GRHL2: variants seen among roughly 807,000 people sequenced by gnomAD.
GRHL2 encodes the protein grainyhead-like protein 2 homolog.
Under a neutral mutation model 83.8 loss-of-function variants are expected in GRHL2, and 21 were observed. That is an observed-to-expected ratio of 0.25 (90% CI 0.18 to 0.36). The LOEUF (loss-of-function observed/expected upper bound fraction) is 0.36, where lower values mean the gene tolerates loss of function less well. Ranked by LOEUF, GRHL2 falls within the 10% of genes least tolerant of loss-of-function variation. The pLI is 1.00. For synonymous variants in GRHL2, 280 were observed against 278.9 expected, an observed-to-expected ratio of 1.00 and a Z score of -0.04; for missense variants, 623 against 781.8, an observed-to-expected ratio of 0.80 and a Z score of 2.42.
intron 6 of GRHL2, 142 bp from the exon 7 acceptor site, chr8:101,577,266 T>C (rs530030436): frequency 9.8e-5 from 68 of 693,126 alleles, no homozygotes; most frequent in Non-Finnish European, 1.6e-4. Context: ...AAACGGACCA[T>C]ACAGCCAAGC....
Position 101,604,507 on chromosome 8 carries a change from C to T in GRHL2, c.1098+5356C>T, listed in dbSNP as rs143346639. On this transcript the variant is annotated intron_variant, in intron 8 of 15. Coordinates refer to ENST00000646743, the MANE Select transcript of GRHL2 (RefSeq NM_024915.4). The stretch of plus-strand genomic sequence containing the variant: ...ACCAATCTTGGTGTGCTACAACGAC[C>T]TCTGTCATGTGACCACAGAGAAGAA... 5.5e-3 allele frequency among the ~76,000 whole-genome samples: 833 copies of T among 152,222 alleles called. 10 individuals are homozygous for T. Among genetic ancestry groups the T allele is most frequent in the African/African-American group, 0.018 (764 of 41,522 alleles).
At chr8:101,567,472 T>C (rs1463826675) in intron 4 of GRHL2, among the ~76,000 whole-genome samples, 1 of 152,226 alleles carries the variant, frequency 6.6e-6, no homozygotes, top group East Asian at 1.9e-4. Context: ...CCCATCAATG[T>C]AATCAGGTCT....
At chr8:101,534,339 C>T (rs1165913151) in intron 1 of GRHL2, among the ~76,000 whole-genome samples, 1 of 152,052 alleles carries the variant, frequency 6.6e-6, no homozygotes, top group Non-Finnish European at 1.5e-5. Context: ...TTGTGGGCAG[C>T]CCTCAGTTCC....
At position 101,669,523 on chromosome 8, in the gene GRHL2, G is replaced by A. The variant is rs542471602; in HGVS notation, c.*2820G>A. The A allele has an allele frequency of 1.3e-5, 2 of 152,064 alleles. No homozygotes were observed. The highest frequency in any genetic ancestry group is 4.8e-5 in the African/African-American group (2 of 41,390). 9.4% of individuals were successfully genotyped at this position (152,064 alleles called of 1,614,324 possible). On this transcript the variant is annotated 3_prime_UTR_variant, in exon 16 of 16. Coordinates refer to ENST00000646743, the MANE Select transcript of GRHL2 (RefSeq NM_024915.4). Reference sequence around the variant, plus strand: ...CAGAAATAGAGGGTTTGTGCCAAATGCTATGAACGGCCCTTTCTTAAAGAC... The same window carrying A: ...CAGAAATAGAGGGTTTGTGCCAAATACTATGAACGGCCCTTTCTTAAAGAC...
intron 7 of GRHL2, among the ~76,000 whole-genome samples, chr8:101,593,936 G>A (rs987722663): frequency 3.3e-5 from 5 of 151,952 alleles, no homozygotes; most frequent in African/African-American, 9.7e-5. Context: ...AGGCATGGTG[G>A]CAGGTGCCTG....
At chr8:101,502,160 A>T (rs933448138) in intron 1 of GRHL2, among the ~76,000 whole-genome samples, 1 of 152,238 alleles carries the variant, frequency 6.6e-6, no homozygotes, top group African/African-American at 2.4e-5. Flanking sequence ...TGCCAATAAG[A>T]TAATTAACAT....
At chr8:101,677,227 A>AATAATAATAATAATAATAATAAT in the GRHL2 span, among the ~76,000 whole-genome samples, 3 of 128,148 alleles carry the variant, frequency 2.3e-5, no homozygotes, top group African/African-American at 9.1e-5. Flanking sequence ...ATAATAATAA[A>AATAATAATAATAATAATAATAAT]AATAAAGAAA....
At chr8:101,674,056 C>T (rs966715891), downstream of GRHL2, among the ~76,000 whole-genome samples, 2 of 151,934 alleles carry the variant, frequency 1.3e-5, no homozygotes, top group Non-Finnish European at 2.9e-5. Flanking sequence ...ACATTCAAAG[C>T]AGTGTGTAGA....
intron 7 of GRHL2, among the ~76,000 whole-genome samples, chr8:101,593,801 C>T (rs895402102): frequency 6.6e-6 from 1 of 151,858 alleles, no homozygotes; most frequent in East Asian, 1.9e-4. Context: ...CATGGTGGCT[C>T]ACACCTGTAA....
At chr8:101,591,528 G>A (rs1420629009) in intron 7 of GRHL2, among the ~76,000 whole-genome samples, 1 of 152,152 alleles carries the variant, frequency 6.6e-6, no homozygotes, top group Non-Finnish European at 1.5e-5. Context: ...GAAACTAGTA[G>A]CCATTGTAGG....
chr8:101,609,941 A>G (rs1812714133), intron 8 of GRHL2, among the ~76,000 whole-genome samples: 1 of 150,828 alleles, frequency 6.6e-6, no homozygotes, highest in Admixed American at 6.6e-5. Context: ...AAAGCTTCAC[A>G]TAACAAATGC....
intron 15 of GRHL2, 146 bp from the exon 16 acceptor site, chr8:101,666,443 C>T: frequency 3.0e-6 from 2 of 670,348 alleles, no homozygotes; most frequent in African/African-American, 1.8e-5. Flanking sequence ...AGGGTCTTTC[C>T]CTGCCTTGTG....
chr8:101,636,647 C>T (rs2129640232), intron 11 of GRHL2: 1 of 532,664 alleles, frequency 1.9e-6, no homozygotes, highest in African/African-American at 1.9e-5. Flanking sequence ...AATCAGATTT[C>T]CAATTTTATT....
intron 1 of GRHL2, among the ~76,000 whole-genome samples, chr8:101,538,597 T>G (rs1405692494): frequency 1.3e-5 from 2 of 152,192 alleles, no homozygotes; most frequent in Non-Finnish European, 2.9e-5. Flanking sequence ...ACCTAAAGCT[T>G]CACAAAGGAT....
intron 14 of GRHL2, among the ~76,000 whole-genome samples, chr8:101,658,463 T>G (rs1813846726): frequency 6.6e-6 from 1 of 152,184 alleles, no homozygotes. Context: ...TCCATTGTCA[T>G]GATGTGAGGA....
intron 4 of GRHL2, among the ~76,000 whole-genome samples, chr8:101,566,821 C>G (rs1296702930): frequency 6.6e-6 from 1 of 151,924 alleles, no homozygotes; most frequent in African/African-American, 2.4e-5. Context: ...AACTTTTGCT[C>G]TTCTTCAGAA....
chr8:101,594,745 A>G (rs930263456), intron 7 of GRHL2, among the ~76,000 whole-genome samples: 14 of 152,228 alleles, frequency 9.2e-5, no homozygotes, highest in Admixed American at 3.9e-4. Flanking sequence ...TTTCTTGTTT[A>G]GAATGCCTAA....
At chr8:101,607,031 C>T (rs1384614351) in intron 8 of GRHL2, among the ~76,000 whole-genome samples, 1 of 152,184 alleles carries the variant, frequency 6.6e-6, no homozygotes. Flanking sequence ...AATTGAAAGG[C>T]TGGCTTGTAT....
chr8:101,616,681 C>T (rs190003525), intron 8 of GRHL2, among the ~76,000 whole-genome samples: 2 of 152,246 alleles, frequency 1.3e-5, no homozygotes, highest in Admixed American at 1.3e-4. Context: ...ACACCTGCCT[C>T]TCTGTACACA....
Sources: allele counts gnomAD v4.1 joint callset (sites outside exome capture counted in the v4.1 genomes callset), GRCh38; gene constraint gnomAD v4.1.1; transcripts MANE v1.5; gene names NCBI Gene and HGNC (gene_info 2026-07-23, HGNC 2026-07-21).